KSR2: variants seen among roughly 807,000 people sequenced by gnomAD.
The protein encoded by KSR2 is kinase suppressor of ras 2.
KSR2 carries 25 observed loss-of-function variants against 107.8 expected under a neutral mutation model. The observed-to-expected ratio is 0.23, with a 90% CI of 0.17 to 0.32. KSR2 has a LOEUF of 0.32. KSR2 is among the 10% of genes least tolerant of loss of function. The probability of loss-of-function intolerance (pLI) is 1.00; values close to 1 mark genes in which losing one functional copy is unlikely to be tolerated. For missense variants in KSR2, 887 were observed against 1,268.9 expected, an observed-to-expected ratio of 0.70 and a Z score of 4.57; for synonymous variants, 480 against 507.0, an observed-to-expected ratio of 0.95 and a Z score of 0.71.
intron 7 of KSR2, 39 bp downstream of exon 7, chr12:117,579,080 G>T: frequency 7.0e-7 from 1 of 1,432,422 alleles, no homozygotes; most frequent in Non-Finnish European, 9.8e-7. Flanking sequence ...AGCTGACATC[G>T]GGTGCTGCGA....
At chr12:117,764,369 G>A (rs534987225) in intron 3 of KSR2, among the ~76,000 whole-genome samples, 1 of 152,182 alleles carries the variant, frequency 6.6e-6, no homozygotes, top group East Asian at 1.9e-4. Flanking sequence ...TGTGCAAAGG[G>A]TCATTTTGAT....
At chr12:117,707,781 A>T (rs926654238) in intron 4 of KSR2, among the ~76,000 whole-genome samples, 10 of 152,212 alleles carry the variant, frequency 6.6e-5, no homozygotes, top group Non-Finnish European at 1.2e-4. Flanking sequence ...TTCAACTGGT[A>T]TTCTGACTCC....
chr12:117,524,825 C>T, intron 14 of KSR2, 27 bp downstream of exon 14: 1 of 1,574,764 alleles, frequency 6.4e-7, no homozygotes, highest in East Asian at 2.2e-5. Context: ...TTGCCAATCC[C>T]TGGGTAGAAG....
chr12:117,783,372 C>A (rs1019990561), intron 3 of KSR2, among the ~76,000 whole-genome samples: 1 of 152,196 alleles, frequency 6.6e-6, no homozygotes, highest in Non-Finnish European at 1.5e-5. Context: ...ACGACAACAG[C>A]AATCGGGTGA....
At chr12:117,735,157 G>A (rs1158328082) in intron 4 of KSR2, among the ~76,000 whole-genome samples, 1 of 152,166 alleles carries the variant, frequency 6.6e-6, no homozygotes, top group Admixed American at 6.5e-5. Flanking sequence ...AAAGCACAGT[G>A]GAGACGTTGG....
At chr12:117,473,530 T>A (rs1397800446) in intron 17 of KSR2, among the ~76,000 whole-genome samples, 1 of 152,078 alleles carries the variant, frequency 6.6e-6, no homozygotes, top group East Asian at 1.9e-4. Flanking sequence ...TCCTTTGTAA[T>A]CAAGAAAGTG....
chr12:117,588,111 C>G (rs1010749612), intron 5 of KSR2, among the ~76,000 whole-genome samples: 14 of 152,210 alleles, frequency 9.2e-5, no homozygotes, highest in Non-Finnish European at 1.9e-4. Flanking sequence ...CCCATCACTC[C>G]TCCATGTCCC....
At chr12:117,747,439 G>C (rs1441815606) in intron 4 of KSR2, among the ~76,000 whole-genome samples, 2 of 151,574 alleles carry the variant, frequency 1.3e-5, no homozygotes, top group East Asian at 3.9e-4. Flanking sequence ...GTTGGGGGGT[G>C]GGGGACAGGG....
intron 3 of KSR2, among the ~76,000 whole-genome samples, chr12:117,844,792 G>C (rs1892636389): frequency 6.6e-6 from 1 of 152,088 alleles, no homozygotes; most frequent in South Asian, 2.1e-4. Context: ...GCCCAGAGTG[G>C]CAGATTTGAG....
Position 117,791,817 on chromosome 12 carries a change from T to C in KSR2, c.473-30293A>G, listed in dbSNP as rs150184343. On this transcript the variant is annotated intron_variant, in intron 3 of 19. Coordinates refer to ENST00000339824, the MANE Select transcript of KSR2 (RefSeq NM_173598.6). ...ACACTGCCCAGATCCATGGATTGTG[T>C]TGCAACCGATATCAACATTTTAATT... 4.3e-3 allele frequency among the ~76,000 whole-genome samples: 662 copies of C among 152,312 alleles called. 7 individuals carry two copies. The highest frequency in any genetic ancestry group is 0.015 in the African/African-American group (618 of 41,560).
intron 7 of KSR2, among the ~76,000 whole-genome samples, chr12:117,568,205 C>T (rs1015814079): frequency 6.6e-6 from 1 of 151,958 alleles, no homozygotes; most frequent in African/African-American, 2.4e-5. Flanking sequence ...CTCGCCTTCC[C>T]TGAAAAAGAA....
At chr12:117,556,814 C>T (rs1485843182) in intron 8 of KSR2, among the ~76,000 whole-genome samples, 1 of 152,152 alleles carries the variant, frequency 6.6e-6, no homozygotes, top group African/African-American at 2.4e-5. Flanking sequence ...AGATGAGGGG[C>T]TTGCAGGGAG....
In KSR2 at chr12:117,960,177, G is replaced by A. The variant is rs1041739882; in HGVS notation, c.180+7899C>T. Among the ~76,000 whole-genome samples the A allele has an allele frequency of 2.8e-4, 43 of 152,104 alleles. 1 individual carries two copies. The highest frequency in any genetic ancestry group is 2.2e-3 in the Admixed American group (33 of 15,278). ...ATATTTCATGGCTTGGCTTCCTCAAGTTAGTAAAACCTCCATGAAAGAGCC... is the reference window on the plus strand; with the variant it reads ...ATATTTCATGGCTTGGCTTCCTCAAATTAGTAAAACCTCCATGAAAGAGCC... On this transcript the variant is annotated intron_variant, in intron 1 of 19. Transcript: ENST00000339824.
rs557121385 is a variant in KSR2 at position 117,457,853 on chromosome 12, C to G, written c.*9346G>C. 9.2e-5 allele frequency: 14 copies of G among 152,352 alleles called. No homozygotes were observed. Among genetic ancestry groups the G allele is most frequent in the Non-Finnish European group, 1.0e-4 (7 of 68,046 alleles). 9.4% of individuals were successfully genotyped at this position (152,352 alleles called of 1,614,324 possible). The stretch of plus-strand genomic sequence containing the variant: ...AGAAACCCTGGCTTAGAATGAACAT[C>G]TCTTTATCCTTCTCTTCCTTTAGAT... On this transcript the variant is annotated 3_prime_UTR_variant, in exon 20 of 20. Transcript: ENST00000339824.
Position 117,664,735 on chromosome 12 carries a change from C to T in KSR2, c.1171+2739G>A, listed in dbSNP as rs145180357. Among the ~76,000 whole-genome samples, 1,202 of 152,248 alleles carry T rather than the reference C, an allele frequency of 7.9e-3. 6 individuals carry two copies. The highest frequency in any genetic ancestry group is 0.013 in the Non-Finnish European group (872 of 68,012). On this transcript the variant is annotated intron_variant, in intron 5 of 19. Coordinates refer to ENST00000339824, the MANE Select transcript of KSR2 (RefSeq NM_173598.6). ...AGGAACTTGCCGCATTGAAGTGATA[C>T]AATGCAGGCTAGATTGGATCTGGAT...
chr12:117,787,507 C>A (rs1250016521), intron 3 of KSR2, among the ~76,000 whole-genome samples: 1 of 152,050 alleles, frequency 6.6e-6, no homozygotes, highest in Non-Finnish European at 1.5e-5. Flanking sequence ...GCGGCACATG[C>A]CTGTAATCCC....
intron 4 of KSR2, among the ~76,000 whole-genome samples, chr12:117,738,411 A>G (rs866162813): frequency 1.4e-4 from 22 of 152,234 alleles, no homozygotes; most frequent in African/African-American, 5.1e-4. Flanking sequence ...TAGATGACGT[A>G]GCCTACTATC....
At chr12:117,500,125 GAC>G (rs1873292997) in intron 14 of KSR2, among the ~76,000 whole-genome samples, 1 of 152,230 alleles carries the variant, frequency 6.6e-6, no homozygotes, top group African/African-American at 2.4e-5. Flanking sequence ...CATGGTGTAA[GAC>G]ATCACGTGTA....
At position 117,842,750 on chromosome 12, in the gene KSR2, C is replaced by T. The variant is rs1892540422; in HGVS notation, c.472+12678G>A. 6.6e-6 allele frequency among the ~76,000 whole-genome samples: 1 copy of T among 152,090 alleles called. No individual in the cohort carries two copies. Among genetic ancestry groups the T allele is most frequent in the Admixed American group, 6.5e-5 (1 of 15,282 alleles). On this transcript the variant is annotated intron_variant, in intron 3 of 19. Coordinates refer to ENST00000339824, the MANE Select transcript of KSR2 (RefSeq NM_173598.6). This position sits in a 1 kb window ranked among gnomAD's most constrained non-coding sequence, Gnocchi z 4.2. ...TTCCACAAAAGCCAGATGCTGGCCA[C>T]ATGAAGCAGCAGGTGGGCAAGACAG...
Sources: allele counts gnomAD v4.1 joint callset (sites outside exome capture counted in the v4.1 genomes callset), GRCh38; gene constraint gnomAD v4.1.1; non-coding constraint Gnocchi (gnomAD v3.1); transcripts MANE v1.5; gene names NCBI Gene and HGNC (gene_info 2026-07-23, HGNC 2026-07-21).